The following DNAJB12 variants were observed in gnomAD, a reference collection of about 807,000 sequenced individuals.
The protein encoded by DNAJB12 is DnaJ heat shock protein family (Hsp40) member B12, also known as dnaJ homolog subfamily B member 12.
DNAJB12 carries 14 observed loss-of-function variants against 40.6 expected under a neutral mutation model. The ratio of observed to expected loss-of-function variants is 0.34; its 90% CI spans 0.23 to 0.54. DNAJB12 has a LOEUF of 0.54. Ranked by LOEUF, DNAJB12 falls within the 20% of genes least tolerant of loss-of-function variation. DNAJB12 has a pLI of 0.92. For synonymous variants in DNAJB12, 181 were observed against 199.5 expected (o/e 0.91, Z 0.78); for missense variants, 444 against 501.7 (o/e 0.89, Z 1.10).
intron 1 of DNAJB12, among the ~76,000 whole-genome samples, chr10:72,346,545 G>A (rs570249907): frequency 2.0e-5 from 3 of 152,320 alleles, no homozygotes; most frequent in Admixed American, 2.0e-4. Context: ...GACTGGTCTT[G>A]AACTCCTGAC....
At chr10:72,345,194 C>T (rs542094679) in intron 1 of DNAJB12, 67 bp from the exon 2 acceptor site, 18 of 1,538,532 alleles carry the variant, frequency 1.2e-5, no homozygotes, top group Middle Eastern at 2.0e-4. Context: ...CCGAGCGGCC[C>T]GCTGCTTCCC....
intron 1 of DNAJB12, among the ~76,000 whole-genome samples, chr10:72,348,360 G>C (rs1861851519): frequency 6.6e-6 from 1 of 152,212 alleles, no homozygotes; most frequent in Admixed American, 6.5e-5. Flanking sequence ...CCAGCGCCCT[G>C]GGTAGTAAAA....
intron 1 of DNAJB12, among the ~76,000 whole-genome samples, chr10:72,352,573 CTG>C (rs1429380159): frequency 6.6e-6 from 1 of 152,182 alleles, no homozygotes. Flanking sequence ...CACCATCAGA[CTG>C]TGAACCCATG....
chr10:72,348,631 G>A (rs1306668206), intron 1 of DNAJB12, among the ~76,000 whole-genome samples: 1 of 152,224 alleles, frequency 6.6e-6, no homozygotes, highest in Non-Finnish European at 1.5e-5. Context: ...TGTGCCCTGG[G>A]CCACTGCTGC....
rs1207275456 is a variant in DNAJB12, at chr10:72,337,267, A to G, written c.834-571T>C. 3.9e-5 allele frequency among the ~76,000 whole-genome samples: 6 copies of G among 152,284 alleles called. No individual in the cohort carries two copies. In the East Asian group the frequency reaches 9.6e-4, roughly 24 times the overall value. ...TCCTCACATCTCTCCAGTTGCAGGG[A>G]AAAGGGCTGGCATCTGGCCACAGGG... On this transcript the variant is annotated intron_variant, in intron 6 of 8. Coordinates refer to ENST00000444643, the MANE Select transcript of DNAJB12 (RefSeq NM_017626.7).
intron 5 of DNAJB12, among the ~76,000 whole-genome samples, chr10:72,338,713 A>T (rs181361633): frequency 5.3e-5 from 8 of 152,320 alleles, no homozygotes; most frequent in Admixed American, 3.3e-4. Flanking sequence ...TCATGCCTGT[A>T]ATCCCAACAC....
intron 7 of DNAJB12, 52 bp downstream of exon 7, chr10:72,336,472 T>C: frequency 6.3e-7 from 1 of 1,578,508 alleles, no homozygotes; most frequent in Non-Finnish European, 8.6e-7. Context: ...GCTTTCCAGC[T>C]TCATCCCAAG....
rs1013917677 is a variant in DNAJB12, at chr10:72,335,025, C to A, written c.*31-408G>T. Reference sequence around the variant, plus strand: ...AGCAACTCTCATTTCCCCTCCACCCCTCCTGTGCTGAGCGGCTGCGTCTGA... The same window carrying A: ...AGCAACTCTCATTTCCCCTCCACCCATCCTGTGCTGAGCGGCTGCGTCTGA... On this transcript the variant is annotated intron_variant, in intron 8 of 8. Coordinates refer to ENST00000444643, the MANE Select transcript of DNAJB12 (RefSeq NM_017626.7). This position sits in a 1 kb window ranked among gnomAD's most constrained non-coding sequence, Gnocchi z 4.4. The A allele has an allele frequency of 2.9e-5, 30 of 1,045,758 alleles. No individual in the cohort carries two copies. The highest frequency in any genetic ancestry group is 3.4e-5 in the African/African-American group (2 of 58,736). 64.8% of individuals were successfully genotyped at this position (1,045,758 alleles called of 1,614,324 possible). A position where few individuals can be genotyped will look rare whatever the true frequency, so the allele number is the denominator to read the frequency against.
At chr10:72,345,769 G>A (rs1447178437) in intron 1 of DNAJB12, among the ~76,000 whole-genome samples, 1 of 151,084 alleles carries the variant, frequency 6.6e-6, no homozygotes, top group Non-Finnish European at 1.5e-5. Context: ...GTGGGCGCCT[G>A]TAATCCCAGC....
chr10:72,335,867 C>G lies in DNAJB12; in HGVS notation c.1071G>C (p.Lys357Asn). 1 of 1,614,196 alleles carries G rather than the reference C, an allele frequency of 6.2e-7. No individual in the cohort carries two copies. Among genetic ancestry groups the G allele is most frequent in the South Asian group, 1.1e-5 (1 of 91,090 alleles). Residue 357 changes from lysine to asparagine, a missense_variant, in exon 8 of 9, where the codon AAG (lysine) becomes AAC (asparagine). Lys to Asn is a moderately conservative substitution (Grantham distance 94). Coordinates refer to ENST00000444643, the MANE Select transcript of DNAJB12 (RefSeq NM_017626.7). The surrounding 1 kb of genome is among the most constrained non-coding windows in gnomAD (Gnocchi z 4.4). Reference sequence around the variant, plus strand: ...GTCGGCTGCAGCTGGGGGTGCCCATCTTCTGTGCTCTGTGGTACATATCTG... The same window carrying G: ...GTCGGCTGCAGCTGGGGGTGCCCATGTTCTGTGCTCTGTGGTACATATCTG... Reference protein sequence around the residue: ...GDTDMYHRAQKMGTPSCSRLS... With the variant: ...GDTDMYHRAQNMGTPSCSRLS...
rs1484296296 is a variant in DNAJB12, at chr10:72,335,999, G to A, written c.1007-68C>T. The A allele has an allele frequency of 1.9e-6, 3 of 1,583,060 alleles. No homozygotes were observed. Among genetic ancestry groups the A allele is most frequent in the African/African-American group, 2.7e-5 (2 of 74,398 alleles). On this transcript the variant is annotated intron_variant, in intron 7 of 8. Coordinates refer to ENST00000444643, the MANE Select transcript of DNAJB12 (RefSeq NM_017626.7). The surrounding 1 kb of genome is among the most constrained non-coding windows in gnomAD (Gnocchi z 4.4). ...CCGAAGCCTGCAAGGAAGCCTGCGA[G>A]GGCTGTGGAGGGCGGAGGAAAGCTG...
chr10:72,337,730 T>A (rs1437035059), intron 6 of DNAJB12, among the ~76,000 whole-genome samples: 1 of 152,174 alleles, frequency 6.6e-6, no homozygotes, highest in Non-Finnish European at 1.5e-5. Flanking sequence ...TGTCTGACTC[T>A]AGTGCCCTGT....
In DNAJB12 at chr10:72,341,134, T is replaced by C. The variant is rs1861627221; in HGVS notation, c.494A>G (p.Glu165Gly). 2 of 1,613,684 alleles carry C rather than the reference T, an allele frequency of 1.2e-6. No individual in the cohort carries two copies. The highest frequency in any genetic ancestry group is 1.3e-5 in the African/African-American group (1 of 74,892). ...GAACTGGTCATACTGCTTCCTCTTC[T>C]CCGGGTTGCTGAGTACCGCATATGC... Reference protein sequence around the residue: ...GTAYAVLSNPEKRKQYDQFGD... With the variant: ...GTAYAVLSNPGKRKQYDQFGD... The change falls in exon 4 of 9, where the codon GAG (glutamate) becomes GGG (glycine). Residue 165 changes from glutamate (E) to glycine (G), a missense_variant. Transcript: ENST00000444643.
At chr10:72,343,627 C>G (rs566503456) in intron 2 of DNAJB12, 116 bp from the exon 3 acceptor site, 1 of 1,093,636 alleles carries the variant, frequency 9.1e-7, no homozygotes, top group Non-Finnish European at 1.3e-6. Flanking sequence ...ACCAACAGGG[C>G]AAGGCTGACA....
chr10:72,348,649 C>T (rs557032199), intron 1 of DNAJB12, among the ~76,000 whole-genome samples: 3 of 152,360 alleles, frequency 2.0e-5, no homozygotes, highest in African/African-American at 4.8e-5. Flanking sequence ...TGCCGCACTC[C>T]GAGCTTGTGT....
intron 8 of DNAJB12, 116 bp from the exon 9 acceptor site, chr10:72,334,733 G>A (rs1470475049): frequency 1.5e-5 from 21 of 1,407,906 alleles, no homozygotes; most frequent in South Asian, 4.7e-5. Flanking sequence ...CTGCCCGCTC[G>A]ACCCCCACCA....
At chr10:72,338,390 G>T in intron 5 of DNAJB12, 79 bp from the exon 6 acceptor site, 1 of 1,169,758 alleles carries the variant, frequency 8.5e-7, no homozygotes, top group Non-Finnish European at 1.3e-6. Flanking sequence ...AGCTCCCCTA[G>T]AATAGTGGAG....
In DNAJB12 at chr10:72,343,392, G is replaced by A. The variant is rs1037466167; in HGVS notation, c.431C>T (p.Ala144Val). ...ALKFHPDKNH[A>V]PGATEAFKAI... ...TTTGAAGGCTTCAGTGGCACCAGGT[G>A]CGTGGTTCTTGTCTGGGTGGAATTT... Residue 144 changes from alanine (A) to valine (V), a missense_variant, in exon 3 of 9, where the codon GCA (alanine) becomes GTA (valine). By Grantham distance (64) the Ala-to-Val change is moderately conservative (BLOSUM62 0). Coordinates refer to ENST00000444643, the MANE Select transcript of DNAJB12 (RefSeq NM_017626.7). 5.6e-6 allele frequency: 9 copies of A among 1,613,904 alleles called. No homozygotes were observed. The Admixed American group carries it at 8.3e-5, about 15-fold the overall frequency.
At chr10:72,336,754 G>A in intron 6 of DNAJB12, 58 bp from the exon 7 acceptor site, 1 of 1,511,062 alleles carries the variant, frequency 6.6e-7, no homozygotes, top group Non-Finnish European at 9.1e-7. Context: ...GGGCACTCTA[G>A]GGGTATGGGC....
Sources: gnomAD v4.1 joint callset for allele counts (sites outside exome capture counted in the v4.1 genomes callset) on GRCh38, gnomAD v4.1.1 for gene constraint, Gnocchi (gnomAD v3.1) non-coding constraint, MANE v1.5 for transcripts, NCBI Gene and HGNC (gene_info 2026-07-23, HGNC 2026-07-21) for gene names.